Variants in CELF2 observed in about 807,000 individuals in gnomAD.
CELF2 encodes the protein CUGBP Elav-like family member 2, also known as CUG triplet repeat RNA-binding protein 2.
In CELF2, 8 loss-of-function variants were observed where a neutral mutation model predicts 62.6. That is an observed-to-expected ratio of 0.13 (90% CI 0.07 to 0.23). The LOEUF (loss-of-function observed/expected upper bound fraction) is 0.23. Among genes scored for constraint, CELF2 ranks in the 10% least tolerant of loss-of-function variants. The pLI, the probability that CELF2 is intolerant of heterozygous loss-of-function variation, is 1.00. For synonymous variants in CELF2, 258 were observed against 250.0 expected (o/e 1.03, Z -0.30); for missense variants, 333 against 671.0 (o/e 0.50, Z 5.56).
At chr10:10,892,592 A>G (rs1385852893) in intron 1 of CELF2, among the ~76,000 whole-genome samples, 4 of 152,194 alleles carry the variant, frequency 2.6e-5, no homozygotes, top group African/African-American at 9.7e-5. Flanking sequence ...ATTCATTCTC[A>G]TTAGTGGAGC....
At chr10:11,322,638 GT>G (rs11348898) in intron 11 of CELF2, among the ~76,000 whole-genome samples, 93,687 of 147,596 alleles carry the variant, frequency 0.63, 30,382 homozygotes, top group Non-Finnish European at 0.73. Flanking sequence ...GATACTCATG[GT>G]TTTTTTTTTT....
intron 2 of CELF2, among the ~76,000 whole-genome samples, chr10:10,932,050 G>A (rs1472782465): frequency 1.3e-5 from 2 of 152,120 alleles, no homozygotes; most frequent in Admixed American, 6.5e-5. Flanking sequence ...CTCCCACAGT[G>A]TGTGGGAATT....
chr10:11,277,746 G>A (rs11817560), intron 8 of CELF2, among the ~76,000 whole-genome samples: 17,994 of 152,228 alleles, frequency 0.12, 2,067 homozygotes, highest in African/African-American at 0.3. Context: ...AACAAATACA[G>A]TAGAAAGCAT....
rs1047865346 is a variant in CELF2, at chr10:11,009,014, G to T, written c.53+3574G>T. Reference sequence around the variant, plus strand: ...ATTCCTGGGGAATTTGCGGGGGGGGGGGGGGAGCATTCCTGATTCATAAAA... The same window carrying T: ...ATTCCTGGGGAATTTGCGGGGGGGGTGGGGGAGCATTCCTGATTCATAAAA... On this transcript the variant is annotated intron_variant, in intron 1 of 12. Transcript: ENST00000416382. Among the ~76,000 whole-genome samples the T allele has an allele frequency of 2.5e-4, 36 of 142,264 alleles. 2 individuals carry two copies. The highest frequency in any genetic ancestry group is 2.4e-3 in the South Asian group (9 of 3,804). 93.3% of individuals were successfully genotyped at this position (142,264 alleles called of 152,430 possible).
chr10:11,170,765 G>A (rs1183213370), intron 2 of CELF2, among the ~76,000 whole-genome samples: 1 of 152,156 alleles, frequency 6.6e-6, no homozygotes, highest in Non-Finnish European at 1.5e-5. Flanking sequence ...ACCATACTTG[G>A]AACCTAGAAT....
the CELF2 span, among the ~76,000 whole-genome samples, chr10:10,508,667 T>G: frequency 5.1e-5 from 2 of 39,218 alleles, no homozygotes; most frequent in Non-Finnish European, 1.1e-4. Context: ...CAGATGTGTG[T>G]GTGTGTGTGT....
At chr10:10,683,439 C>G in the CELF2 span, among the ~76,000 whole-genome samples, 1 of 152,136 alleles carries the variant, frequency 6.6e-6, no homozygotes, top group Non-Finnish European at 1.5e-5. Context: ...GTCCATCTTT[C>G]TGTTTCTTTT....
the CELF2 span, among the ~76,000 whole-genome samples, chr10:10,520,574 A>G: frequency 6.6e-6 from 1 of 152,132 alleles, no homozygotes; most frequent in Non-Finnish European, 1.5e-5. Context: ...ATGTAAAGGG[A>G]AATGAGGGCA....
chr10:10,967,448 C>T (rs1296799159), intron 2 of CELF2, among the ~76,000 whole-genome samples: 1 of 151,952 alleles, frequency 6.6e-6, no homozygotes, highest in African/African-American at 2.4e-5. Flanking sequence ...AGTCCCAGTA[C>T]TTTGAGAAGT....
chr10:11,334,969 T>TTTAA lies in CELF2; in HGVS notation c.*5920_*5923dup, dbSNP rs1566067655. ...CAAGCTAATTGAATCCAGGAGCAGC[T>TTTAA]TTAATTATTAACACTAACGGAAGAG... On this transcript the variant is annotated 3_prime_UTR_variant, in exon 13 of 13. Coordinates refer to ENST00000633077, the MANE Select transcript of CELF2 (RefSeq NM_001326342.2). 6.6e-6 allele frequency: 1 copy of TTTAA among 152,230 alleles called. No individual in the cohort carries two copies. Among genetic ancestry groups the TTTAA allele is most frequent in the Admixed American group, 6.5e-5 (1 of 15,286 alleles). 9.4% of individuals were successfully genotyped at this position (152,230 alleles called of 1,614,324 possible).
the CELF2 span, among the ~76,000 whole-genome samples, chr10:10,748,943 T>C: frequency 5.3e-5 from 8 of 151,660 alleles, no homozygotes; most frequent in African/African-American, 1.9e-4. Flanking sequence ...GTTTGGTGAG[T>C]GAGATGAGAA....
In CELF2 at chr10:11,242,249, T is replaced by C. The variant is rs1032316711; in HGVS notation, c.355-6904T>C. Among the ~76,000 whole-genome samples the C allele has an allele frequency of 5.3e-5, 8 of 152,228 alleles. No individual in the cohort carries two copies. The highest frequency in any genetic ancestry group is 7.3e-5 in the Non-Finnish European group (5 of 68,034). ...TTCAGGTTAAAAATGGCATGTTTTA[T>C]TGAATCTCATGTTAAAGGTGGTTAA... On this transcript the variant is annotated intron_variant, in intron 3 of 12. Transcript: ENST00000633077. The surrounding 1 kb of genome is among the most constrained non-coding windows in gnomAD (Gnocchi z 4.8).
the CELF2 span, among the ~76,000 whole-genome samples, chr10:10,690,445 A>G: frequency 6.6e-6 from 1 of 152,196 alleles, no homozygotes; most frequent in African/African-American, 2.4e-5. Flanking sequence ...TTAAAATAAT[A>G]CACTGTATAA....
intron 1 of CELF2, among the ~76,000 whole-genome samples, chr10:10,857,097 G>A (rs2059760792): frequency 6.6e-6 from 1 of 152,060 alleles, no homozygotes; most frequent in African/African-American, 2.4e-5. Flanking sequence ...GTTTGCTAAT[G>A]AGTGGAGTAG....
the CELF2 span, among the ~76,000 whole-genome samples, chr10:10,791,434 T>C: frequency 1.3e-5 from 2 of 152,210 alleles, no homozygotes; most frequent in African/African-American, 2.4e-5. Flanking sequence ...TCCCAACTTT[T>C]AAATCATTCA....
At chr10:11,272,235 A>G (rs2084088196) in intron 7 of CELF2, among the ~76,000 whole-genome samples, 2 of 152,228 alleles carry the variant, frequency 1.3e-5, no homozygotes, top group Admixed American at 6.5e-5. Context: ...CCACGAAGAT[A>G]CCATGAGAGA....
rs2137738994 is a variant in CELF2, at chr10:11,256,308, C to G, written c.404-1430C>G. On this transcript the variant is annotated intron_variant, in intron 4 of 12. Transcript: ENST00000633077. ...CCCACCTGTTACCAGTACACCTGCC[C>G]CAGCCCCTTCTCAGCACAGAGGTGT... Among the ~76,000 whole-genome samples the G allele has an allele frequency of 2.6e-5, 4 of 152,334 alleles. 1 individual carries two copies. The Middle Eastern group carries it at 0.01, about 389-fold the overall frequency.
intron 2 of CELF2, among the ~76,000 whole-genome samples, chr10:10,964,879 G>A (rs1399594684): frequency 6.6e-6 from 1 of 151,866 alleles, no homozygotes; most frequent in African/African-American, 2.4e-5. Flanking sequence ...TGCCAGTTAC[G>A]AATTAGCTAT....
chr10:10,759,508 C>T, the CELF2 span, among the ~76,000 whole-genome samples: 4 of 151,740 alleles, frequency 2.6e-5, no homozygotes, highest in East Asian at 3.9e-4. Context: ...CAGGGTTTCA[C>T]CATGTTGGCC....
Sources: gnomAD v4.1 joint callset for allele counts (sites outside exome capture counted in the v4.1 genomes callset) on GRCh38, gnomAD v4.1.1 for gene constraint, Gnocchi (gnomAD v3.1) non-coding constraint, MANE v1.5 for transcripts, NCBI Gene and HGNC (gene_info 2026-07-23, HGNC 2026-07-21) for gene names.